FAT1: variants seen among roughly 807,000 people sequenced by gnomAD.
FAT1 encodes FAT atypical cadherin 1, also known as protocadherin Fat 1.
In FAT1, 171 loss-of-function variants were observed where a neutral mutation model predicts 329.8. The observed-to-expected ratio is 0.52, with a 90% CI of 0.46 to 0.59. The LOEUF is 0.59. Among genes scored for constraint, FAT1 ranks in the 20% least tolerant of loss-of-function variants. The probability of loss-of-function intolerance (pLI) is 0.00; values close to 1 mark genes in which losing one functional copy is unlikely to be tolerated. For synonymous variants in FAT1, 2,233 were observed against 2,228.6 expected (o/e 1.00, Z -0.06); for missense variants, 5,672 against 5,774.4 (o/e 0.98, Z 0.57).
intron 4 of FAT1, among the ~76,000 whole-genome samples, chr4:186,638,202 T>C (rs1444518004): frequency 6.6e-6 from 1 of 152,254 alleles, no homozygotes; most frequent in African/African-American, 2.4e-5. Flanking sequence ...ATTATGTATG[T>C]TGAAGGGAAA....
At position 186,636,789 on chromosome 4, in the gene FAT1, C is replaced by T. The variant is rs1366407279; in HGVS notation, c.3768G>A (p.Glu1256=). The T allele has an allele frequency of 6.2e-7, 1 of 1,613,936 alleles. No individual in the cohort carries two copies. The highest frequency in any genetic ancestry group is 8.5e-7 in the Non-Finnish European group (1 of 1,179,888). ...TTCTTTCTCGGTCTGGCTTTTCCCG[C>T]TCAGGGAGTCTGATTTTGTAGAACT... ...LQKFYKIRLP[E]REKPDRERNA... Residue 1256 remains glutamate (E), a synonymous_variant, in exon 5 of 27, where the codon GAG becomes GAA. Transcript: ENST00000441802.
intron 2 of FAT1, among the ~76,000 whole-genome samples, chr4:186,680,845 G>A (rs897699044): frequency 4.6e-5 from 7 of 152,186 alleles, no homozygotes; most frequent in African/African-American, 1.2e-4. Flanking sequence ...AGAGGTGCAC[G>A]CTTGCATTAA....
intron 2 of FAT1, among the ~76,000 whole-genome samples, chr4:186,690,036 AT>A (rs1743680398): frequency 6.6e-6 from 1 of 152,142 alleles, no homozygotes. Flanking sequence ...ATTCAATTAC[AT>A]TTTCCCTATC....
rs1217762189 is a variant in FAT1, at chr4:186,676,280, AAAAAAAAAAC to A, written c.3266-12677_3266-12668del. ...AAATAAATGTCAATTCATTTTGTGAAAAAAAAAAACAAAAAAAAACAGGGAGAAGAGGATA... is the reference window on the plus strand; with the variant it reads ...AAATAAATGTCAATTCATTTTGTGAAAAAAAAAAACAGGGAGAAGAGGATA... On this transcript the variant is annotated intron_variant, in intron 2 of 26. Transcript: ENST00000441802. Among the ~76,000 whole-genome samples the A allele has an allele frequency of 6.6e-3, 623 of 94,490 alleles. 3 individuals are homozygous for A. The highest frequency in any genetic ancestry group is 0.03 in the African/African-American group (532 of 17,762). The allele number at this position is 94,490 out of a possible 152,430, so 62.0% of individuals were successfully genotyped here. A position where few individuals can be genotyped will look rare whatever the true frequency, so the allele number is the denominator to read the frequency against.
chr4:186,636,316 G>T, intron 5 of FAT1, 81 bp from the exon 6 acceptor site: 2 of 1,310,556 alleles, frequency 1.5e-6, no homozygotes, highest in Non-Finnish European at 2.2e-6. Flanking sequence ...AGACTGGTTT[G>T]GTCTTAAACT....
rs754107839 is a variant in FAT1, at chr4:186,633,745, T to G, written c.4262A>C (p.Gln1421Pro). Residue 1421 changes from glutamine (Q) to proline (P), a missense_variant, in exon 7 of 27, where the codon CAG becomes CCG. By Grantham distance (76) the Gln-to-Pro change is moderately conservative. This residue lies in a region of FAT1 where 3,966 missense variants were observed against 3,915.2 expected (regional missense o/e 1.01). Transcript: ENST00000441802. ...IIVAKPLDAEQKSNYNLTVEA... is the reference protein window; with the variant it reads ...IIVAKPLDAEPKSNYNLTVEA... Reference sequence around the variant, plus strand: ...GACTGTGAGGTTGTAGTTTGACTTCTGTTCTGCATCAAGAGGTTTGGCAAC... The same window carrying G: ...GACTGTGAGGTTGTAGTTTGACTTCGGTTCTGCATCAAGAGGTTTGGCAAC... The G allele has an allele frequency of 1.2e-6, 2 of 1,613,996 alleles. No individual in the cohort carries two copies. The highest frequency in any genetic ancestry group is 2.2e-5 in the South Asian group (2 of 91,088).
intron 17 of FAT1, among the ~76,000 whole-genome samples, chr4:186,605,141 AG>A (rs1739042276): frequency 6.8e-6 from 1 of 146,452 alleles, no homozygotes; most frequent in African/African-American, 2.5e-5. Flanking sequence ...GTTTGAAGCC[AG>A]GAGGTGGAGG....
intron 11 of FAT1, among the ~76,000 whole-genome samples, chr4:186,614,674 T>C (rs1385499590): frequency 6.6e-6 from 1 of 152,226 alleles, no homozygotes; most frequent in Non-Finnish European, 1.5e-5. Context: ...AAAATGTAAG[T>C]AGTGCTCCGT....
chr4:186,673,133 A>G (rs1259251171), intron 2 of FAT1, among the ~76,000 whole-genome samples: 1 of 152,254 alleles, frequency 6.6e-6, no homozygotes, highest in Non-Finnish European at 1.5e-5. Flanking sequence ...TTTTTTAAAC[A>G]CACATACACA....
chr4:186,639,368 GA>G (rs1195079264), intron 4 of FAT1, among the ~76,000 whole-genome samples: 6 of 152,084 alleles, frequency 3.9e-5, no homozygotes, highest in South Asian at 4.2e-4. Flanking sequence ...ATAGTAAGGG[GA>G]AAAAAAGATG....
In FAT1 at chr4:186,617,942, T is replaced by A. The variant is rs2126489504; in HGVS notation, c.8644A>T (p.Asn2882Tyr). 1 of 1,614,028 alleles carries A rather than the reference T, an allele frequency of 6.2e-7. No individual in the cohort carries two copies. Among genetic ancestry groups the A allele is most frequent in the Non-Finnish European group, 8.5e-7 (1 of 1,179,900 alleles). Residue 2882 changes from asparagine to tyrosine, a missense_variant, in exon 10 of 27, where the codon AAT becomes TAT. By Grantham distance (143) the Asn-to-Tyr change is moderately radical. Transcript: ENST00000441802. ...GATGCAACCACTTTAATCTGGTAAT[T>A]GTCTCTCTTTTCATGGTCAAGTTCC... ...LKELDHEKRD[N>Y]YQIKVVASDH... is the part of the protein sequence containing the mutation.
chr4:186,705,626 A>G (rs1310215819), intron 2 of FAT1, among the ~76,000 whole-genome samples: 1 of 152,232 alleles, frequency 6.6e-6, no homozygotes, highest in East Asian at 1.9e-4. Context: ...GCTAGGTGCT[A>G]AACACAGAAG....
chr4:186,717,863 T>C (rs1176084881), intron 1 of FAT1, among the ~76,000 whole-genome samples: 2 of 152,142 alleles, frequency 1.3e-5, no homozygotes, highest in African/African-American at 4.8e-5. Context: ...CTCCAACCAC[T>C]TTCTCCTCAT....
intron 3 of FAT1, among the ~76,000 whole-genome samples, chr4:186,657,320 T>C (rs1284248169): frequency 6.6e-6 from 1 of 152,240 alleles, no homozygotes; most frequent in African/African-American, 2.4e-5. Context: ...AACGTAGTCT[T>C]GATACACGCC....
At chr4:186,592,638 C>G (rs970048393) in intron 26 of FAT1, 7 of 454,302 alleles carry the variant, frequency 1.5e-5, no homozygotes, top group Non-Finnish European at 3.1e-5. Context: ...CGGCCGAGCT[C>G]TACGACACGG....
chr4:186,707,863 T>C lies in FAT1; in HGVS notation c.1965A>G (p.Thr655=), dbSNP rs1579486902. 13 of 1,613,912 alleles carry C rather than the reference T, an allele frequency of 8.1e-6. No individual in the cohort carries two copies. The highest frequency in any genetic ancestry group is 1.0e-5 in the Non-Finnish European group (12 of 1,179,892). Residue 655 remains threonine (T), a synonymous_variant, in exon 2 of 27, where the codon ACA becomes ACG. Transcript: ENST00000441802. ...CCACTGTTATGTTGATATATAATGG[T>C]GTGGCAAAATTTTCTCCATCTGTAG... ...ITATDGENFA[T]PLYINITVAA...
chr4:186,597,911 A>G lies in FAT1; in HGVS notation c.12257+61T>C. 2 of 1,573,622 alleles carry G rather than the reference A, an allele frequency of 1.3e-6. 1 individual carries two copies. Among genetic ancestry groups the G allele is most frequent in the South Asian group, 2.3e-5 (2 of 86,712 alleles). On this transcript the variant is annotated intron_variant, in intron 23 of 26. Transcript: ENST00000441802. ...AACGTGCAGACTTTTTACATGTACCATTATATGTTTAAGAATTTTATACTA... is the reference window on the plus strand; with the variant it reads ...AACGTGCAGACTTTTTACATGTACCGTTATATGTTTAAGAATTTTATACTA...
chr4:186,596,277 C>T lies in FAT1; in HGVS notation c.13000+263G>A. Among the ~76,000 whole-genome samples the T allele has an allele frequency of 6.6e-6, 1 of 152,040 alleles. No individual in the cohort carries two copies. The highest frequency in any genetic ancestry group is 1.9e-4 in the East Asian group (1 of 5,196). On this transcript the variant is annotated intron_variant, in intron 25 of 26. Coordinates refer to ENST00000441802, the MANE Select transcript of FAT1 (RefSeq NM_005245.4). This position sits in a 1 kb window ranked among gnomAD's most constrained non-coding sequence, Gnocchi z 4.7. ...AAACTCAAAAAATTATAGATGAGAA[C>T]CTTTATCAATTATAAAATGAAATGA...
chr4:186,662,016 C>A, intron 3 of FAT1, among the ~76,000 whole-genome samples: 1 of 151,270 alleles, frequency 6.6e-6, no homozygotes, highest in Admixed American at 6.6e-5. Context: ...TCCCCCCCGC[C>A]CCCCGGCCAG....
Sources: allele counts gnomAD v4.1 joint callset (sites outside exome capture counted in the v4.1 genomes callset), GRCh38; gene constraint gnomAD v4.1.1; regional missense constraint gnomAD v4.1.1; non-coding constraint Gnocchi (gnomAD v3.1); transcripts MANE v1.5; gene names NCBI Gene and HGNC (gene_info 2026-07-23, HGNC 2026-07-21).